The following CDK15 variants were observed in gnomAD, a reference collection of about 807,000 sequenced individuals.
The protein encoded by CDK15 is cyclin dependent kinase 15.
A neutral mutation model predicts 60.3 loss-of-function variants in CDK15; 62 were observed. The ratio of observed to expected loss-of-function variants is 1.03; its 90% confidence interval spans 0.84 to 1.27. CDK15 has a LOEUF of 1.27. CDK15 is among the 50% of genes most tolerant of loss of function. The probability of loss-of-function intolerance (pLI) is 0.00; values close to 1 mark genes in which losing one functional copy is unlikely to be tolerated. For missense variants in CDK15, 541 were observed against 527.8 expected (o/e 1.03, Z -0.25); for synonymous variants, 194 against 195.7 (o/e 0.99, Z 0.07).
In CDK15 at chr2:201,882,223, G is replaced by C. The variant is rs1458656966; in HGVS notation, c.1198+2056G>C. ...TATGTGTGTGTGTGTGTGTGAGAGAGAGACAGAGAGAACAATCTGTATTCC... is the reference window on the plus strand; with the variant it reads ...TATGTGTGTGTGTGTGTGTGAGAGACAGACAGAGAGAACAATCTGTATTCC... On this transcript the variant is annotated intron_variant, in intron 12 of 13. Coordinates refer to ENST00000652192, the MANE Select transcript of CDK15 (RefSeq NM_001366386.2). The surrounding 1 kb of genome is among the most constrained non-coding windows in gnomAD (Gnocchi z 4.0). 6.6e-6 allele frequency among the ~76,000 whole-genome samples: 1 copy of C among 151,042 alleles called. No individual in the cohort carries two copies. Among genetic ancestry groups the C allele is most frequent in the Non-Finnish European group, 1.5e-5 (1 of 67,882 alleles).
At chr2:201,830,258 G>T (rs905816081) in intron 6 of CDK15, among the ~76,000 whole-genome samples, 5 of 152,176 alleles carry the variant, frequency 3.3e-5, no homozygotes, top group Non-Finnish European at 7.3e-5. Flanking sequence ...CAATATATTA[G>T]ATTTTAGTAG....
rs763752662 is a variant in CDK15, at chr2:201,872,291, GC to G, written c.1025del (p.Pro342LeufsTer27). Reference sequence around the variant, plus strand: ...TATGCTTCCCAGAATGGTTCCCACTGCCTACGCCTCGAAGCCTTCATGTTGT... The same window carrying G: ...TATGCTTCCCAGAATGGTTCCCACTGCTACGCCTCGAAGCCTTCATGTTGT... ...PNYNPEWFPL[P>X]TPRSLHVVWN... is the part of the protein sequence containing the mutation. On this transcript the variant is annotated frameshift_variant, in exon 11 of 14. Coordinates refer to ENST00000652192, the MANE Select transcript of CDK15 (RefSeq NM_001366386.2). LOFTEE classifies it high-confidence loss of function. The G allele has an allele frequency of 1.2e-6, 2 of 1,614,060 alleles. No homozygotes were observed. The highest frequency in any genetic ancestry group is 1.7e-6 in the Non-Finnish European group (2 of 1,179,990).
chr2:201,858,964 A>G (rs1325058851), intron 10 of CDK15, among the ~76,000 whole-genome samples: 1 of 152,040 alleles, frequency 6.6e-6, no homozygotes, highest in Non-Finnish European at 1.5e-5. Flanking sequence ...CCCCCTTTTC[A>G]CATGCTAACT....
intron 12 of CDK15, 126 bp from the exon 13 acceptor site, chr2:201,890,659 T>C (rs1699611404): frequency 4.7e-6 from 3 of 642,940 alleles, no homozygotes; most frequent in Non-Finnish European, 7.9e-6. Flanking sequence ...GTATGAATTA[T>C]TAGTAAATAA....
intron 11 of CDK15, among the ~76,000 whole-genome samples, chr2:201,878,979 A>G (rs930157093): frequency 3.9e-5 from 6 of 152,232 alleles, no homozygotes; most frequent in African/African-American, 1.4e-4. Context: ...AGTTGTACTT[A>G]GACATCTGTG....
In CDK15 at chr2:201,812,183, A is replaced by C. The variant is rs1289602098; in HGVS notation, c.369-300A>C. ...AGCGAGATTCTGTCTCAAAAAAAAA[A>C]AAAAAAAACAAAAAAACAAAAAAAC... is the stretch of plus-strand genomic sequence containing the variant. On this transcript the variant is annotated intron_variant, in intron 3 of 13. Transcript: ENST00000652192. 2.7e-4 allele frequency among the ~76,000 whole-genome samples: 41 copies of C among 150,404 alleles called. No individual in the cohort carries two copies. In the East Asian group the frequency reaches 7.5e-3, roughly 28 times the overall value.
At chr2:201,872,466 G>C (rs13032979) in intron 11 of CDK15, 140 bp downstream of exon 11, 72,463 of 818,190 alleles carry the variant, frequency 0.089, 4,537 homozygotes, top group African/African-American at 0.26. Flanking sequence ...GATGCCTCTG[G>C]AAGCGCCAGA....
intron 4 of CDK15, among the ~76,000 whole-genome samples, chr2:201,822,286 T>C (rs1320752251): frequency 6.6e-6 from 1 of 152,262 alleles, no homozygotes. Flanking sequence ...CTCCAGTCTC[T>C]ATCATGTTTC....
At chr2:201,877,028 G>A (rs1003675262) in intron 11 of CDK15, among the ~76,000 whole-genome samples, 4 of 152,032 alleles carry the variant, frequency 2.6e-5, no homozygotes, top group Non-Finnish European at 5.9e-5. Context: ...GAACTCCTGG[G>A]CTCAAGTGAT....
At position 201,894,027 on chromosome 2, in the gene CDK15, GT is replaced by G. The variant is rs1699708826; in HGVS notation, c.*762del. On this transcript the variant is annotated 3_prime_UTR_variant, in exon 14 of 14. Coordinates refer to ENST00000652192, the MANE Select transcript of CDK15 (RefSeq NM_001366386.2). ...TGATGGTGGAGATATTGAATAAGTA[GT>G]TGGGAGCAGAGTTCCAAAGATGTAA... 6.6e-6 allele frequency: 1 copy of G among 151,220 alleles called. No homozygotes were observed. Among genetic ancestry groups the G allele is most frequent in the Non-Finnish European group, 1.5e-5 (1 of 68,114 alleles). The allele number at this position is 151,220 out of a possible 1,614,324, so 9.4% of individuals were successfully genotyped here.
intron 8 of CDK15, among the ~76,000 whole-genome samples, chr2:201,841,204 A>G (rs1321054186): frequency 6.6e-6 from 1 of 151,798 alleles, no homozygotes; most frequent in Non-Finnish European, 1.5e-5. Context: ...TTTTGCATCA[A>G]CCTATATCTC....
At chr2:201,854,750 G>T (rs1221796606) in intron 9 of CDK15, 124 bp from the exon 10 acceptor site, 2 of 749,136 alleles carry the variant, frequency 2.7e-6, no homozygotes, top group Non-Finnish European at 4.6e-6. Flanking sequence ...CTGGTGTCAT[G>T]CAATGGGACA....
chr2:201,852,143 AT>A (rs1284657823), intron 9 of CDK15, among the ~76,000 whole-genome samples: 1 of 152,050 alleles, frequency 6.6e-6, no homozygotes, highest in African/African-American at 2.4e-5. Flanking sequence ...CCATTTGTCT[AT>A]TTTCACATTT....
chr2:201,854,035 G>A (rs1698028788), intron 9 of CDK15, among the ~76,000 whole-genome samples: 1 of 152,072 alleles, frequency 6.6e-6, no homozygotes, highest in Non-Finnish European at 1.5e-5. Flanking sequence ...ATAGCCAGGC[G>A]TGGTGGCTTG....
At chr2:201,859,027 G>T (rs1698266932) in intron 10 of CDK15, among the ~76,000 whole-genome samples, 1 of 152,138 alleles carries the variant, frequency 6.6e-6, no homozygotes, top group Non-Finnish European at 1.5e-5. Flanking sequence ...CTAAAGGGCT[G>T]CCGTCTTTCA....
At position 201,882,665 on chromosome 2, in the gene CDK15, A is replaced by ACT. The variant is rs1234020298; in HGVS notation, c.1198+2499_1198+2500insTC. Among the ~76,000 whole-genome samples, 1 of 140,466 alleles carries ACT rather than the reference A, an allele frequency of 7.1e-6. No homozygotes were observed. 92.2% of individuals were successfully genotyped at this position (140,466 alleles called of 152,430 possible). On this transcript the variant is annotated intron_variant, in intron 12 of 13. Transcript: ENST00000652192. This position sits in a 1 kb window ranked among gnomAD's most constrained non-coding sequence, Gnocchi z 4.0. ...TGCTTCTGTGTGTGTGTGCTCGTGC[A>ACT]CATGAGTGCACGAGCATGTGTGTGT... is the stretch of plus-strand genomic sequence containing the variant.
intron 8 of CDK15, among the ~76,000 whole-genome samples, chr2:201,836,026 T>TTA (rs1240928007): frequency 1.6e-5 from 2 of 121,534 alleles, no homozygotes; most frequent in African/African-American, 6.2e-5. Flanking sequence ...TTTTATATAT[T>TTA]TATATATATT....
chr2:201,822,539 C>A lies in CDK15; in HGVS notation c.449-270C>A, dbSNP rs189835757. 6.6e-4 allele frequency among the ~76,000 whole-genome samples: 101 copies of A among 152,312 alleles called. 1 individual carries two copies. Among genetic ancestry groups the A allele is most frequent in the South Asian group, 1.9e-3 (9 of 4,822 alleles). On this transcript the variant is annotated intron_variant, in intron 4 of 13. Coordinates refer to ENST00000652192, the MANE Select transcript of CDK15 (RefSeq NM_001366386.2). ...AGGGGAGCATTTAGTGCTCTGAGTG[C>A]TTTGATGAAATTGATTAGGTAAATG...
chr2:201,892,826 G>A (rs887239475), intron 13 of CDK15, among the ~76,000 whole-genome samples: 1 of 152,210 alleles, frequency 6.6e-6, no homozygotes, highest in Non-Finnish European at 1.5e-5. Context: ...CTTTTCAGGA[G>A]AGTCAAAATG....
Sources: gnomAD v4.1 joint callset for allele counts (sites outside exome capture counted in the v4.1 genomes callset) on GRCh38, gnomAD v4.1.1 for gene constraint, Gnocchi (gnomAD v3.1) non-coding constraint, MANE v1.5 for transcripts, NCBI Gene and HGNC (gene_info 2026-07-23, HGNC 2026-07-21) for gene names.